TMEM170A: variants seen among roughly 807,000 people sequenced by gnomAD.
TMEM170A encodes the protein transmembrane protein 170A.
A neutral mutation model predicts 12.8 loss-of-function variants in TMEM170A; 18 were observed. The ratio of observed to expected loss-of-function variants is 1.41; its 90% CI spans 0.97 to 2.09. The LOEUF is 2.09. Among genes scored for constraint, TMEM170A ranks in the 30% most tolerant of loss-of-function variants. The pLI is 0.00. For missense variants in TMEM170A, 220 were observed against 179.9 expected, an observed-to-expected ratio of 1.22 and a Z score of -1.28; for synonymous variants, 107 against 76.2, an observed-to-expected ratio of 1.40 and a Z score of -2.11.
chr16:75,446,372 A>G lies in TMEM170A; in HGVS notation c.*1186T>C, dbSNP rs1047720229. ...TTTCAGGCCTTTTAATGAAAAAGAAAGTTAGGCAGTAGAATAAAAATTTAA... is the reference window on the plus strand; with the variant it reads ...TTTCAGGCCTTTTAATGAAAAAGAAGGTTAGGCAGTAGAATAAAAATTTAA... On this transcript the variant is annotated 3_prime_UTR_variant, in exon 3 of 3. Coordinates refer to ENST00000561878, the MANE Select transcript of TMEM170A (RefSeq NM_145254.3). The G allele has an allele frequency of 1.3e-5, 2 of 152,188 alleles. No individual in the cohort carries two copies. Among genetic ancestry groups the G allele is most frequent in the Non-Finnish European group, 2.9e-5 (2 of 68,030 alleles). The allele number at this position is 152,188 out of a possible 1,614,324, so 9.4% of individuals were successfully genotyped here. A position where few individuals can be genotyped will look rare whatever the true frequency, so the allele number is the denominator to read the frequency against.
At position 75,445,641 on chromosome 16, in the gene TMEM170A, T is replaced by C. The variant is rs1457981095; in HGVS notation, c.*1917A>G. 2.0e-5 allele frequency: 3 copies of C among 151,950 alleles called. No individual in the cohort carries two copies. The highest frequency in any genetic ancestry group is 4.4e-5 in the Non-Finnish European group (3 of 68,000). 9.4% of individuals were successfully genotyped at this position (151,950 alleles called of 1,614,324 possible). A position where few individuals can be genotyped will look rare whatever the true frequency, so the allele number is the denominator to read the frequency against. On this transcript the variant is annotated 3_prime_UTR_variant, in exon 3 of 3. Transcript: ENST00000561878. Reference sequence around the variant, plus strand: ...AAAAGAATATGTCCAGTTTTTGTGATCTCTTTGTAATTCTTTTCTATGAGT... The same window carrying C: ...AAAAGAATATGTCCAGTTTTTGTGACCTCTTTGTAATTCTTTTCTATGAGT...
intron 1 of TMEM170A, among the ~76,000 whole-genome samples, chr16:75,463,348 G>A (rs62060524): frequency 6.6e-6 from 1 of 151,896 alleles, no homozygotes; most frequent in Admixed American, 6.6e-5. Flanking sequence ...AACGTGAGCT[G>A]CCAGATTCTC....
At chr16:75,454,961 G>A (rs949844998) in intron 1 of TMEM170A, among the ~76,000 whole-genome samples, 9 of 152,206 alleles carry the variant, frequency 5.9e-5, no homozygotes, top group Non-Finnish European at 1.3e-4. Flanking sequence ...CAACAGCATT[G>A]TCCATAATAT....
Position 75,464,410 on chromosome 16 carries a change from AC to A in TMEM170A, c.133+57del, listed in dbSNP as rs1438352717. 3.6e-6 allele frequency: 5 copies of A among 1,388,636 alleles called. No homozygotes were observed. In the African/African-American group the frequency reaches 7.6e-5, roughly 21 times the overall value. The allele number at this position is 1,388,636 out of a possible 1,614,324, so 86.0% of individuals were successfully genotyped here. On this transcript the variant is annotated intron_variant, in intron 1 of 2. Coordinates refer to ENST00000561878, the MANE Select transcript of TMEM170A (RefSeq NM_145254.3). ...GACCCCGCCCAGACTCGGGGCGCCC[AC>A]AGCACGGCAGCGGCGACGGCGGGGC... is the stretch of plus-strand genomic sequence containing the variant.
intron 1 of TMEM170A, among the ~76,000 whole-genome samples, chr16:75,461,359 A>T (rs1410513287): frequency 2.0e-5 from 3 of 152,186 alleles, no homozygotes; most frequent in Non-Finnish European, 4.4e-5. Flanking sequence ...CGGCCAATTT[A>T]GTCATTTAGA....
Position 75,459,622 on chromosome 16 carries a change from C to CGAG in TMEM170A, c.133+4843_133+4845dup, listed in dbSNP as rs1285194940. On this transcript the variant is annotated intron_variant, in intron 1 of 2. Transcript: ENST00000561878. ...CTGTAATCCCAGCACTTTAGGAGGCCGAGGTAGGAGGATCACCTGAGGTCA... is the reference window on the plus strand; with the variant it reads ...CTGTAATCCCAGCACTTTAGGAGGCCGAGGAGGTAGGAGGATCACCTGAGGTCA... Among the ~76,000 whole-genome samples the CGAG allele has an allele frequency of 9.2e-5, 14 of 152,082 alleles. No homozygotes were observed. The East Asian group carries it at 2.7e-3, about 29-fold the overall frequency.
At position 75,447,598 on chromosome 16, in the gene TMEM170A, A is replaced by T. The variant is rs747055683; in HGVS notation, c.395T>A (p.Val132Asp). 6.2e-7 allele frequency: 1 copy of T among 1,613,874 alleles called. No individual in the cohort carries two copies. Among genetic ancestry groups the T allele is most frequent in the Admixed American group, 1.7e-5 (1 of 59,928 alleles). The change falls in exon 3 of 3, where the codon GTC becomes GAC. Residue 132 changes from valine to aspartate, a missense_variant. By Grantham distance (152) the Val-to-Asp change is radical. Coordinates refer to ENST00000561878, the MANE Select transcript of TMEM170A (RefSeq NM_145254.3). ...AATCCGTAAAAAGGAGACCACCAAG[A>T]CGCAAAATGTCTGTCCAGTGCCCAG... ...LTLGTGQTFC[V>D]LVVSFLRILA...
chr16:75,456,359 G>A (rs765146001), intron 1 of TMEM170A, among the ~76,000 whole-genome samples: 2 of 152,042 alleles, frequency 1.3e-5, no homozygotes, highest in Non-Finnish European at 2.9e-5. Context: ...AGGCTGAGGC[G>A]GGTGGATCAT....
intron 1 of TMEM170A, chr16:75,452,698 C>T (rs2079711602): frequency 6.6e-6 from 1 of 152,140 alleles, no homozygotes; most frequent in Non-Finnish European, 1.5e-5. Context: ...ACTTGGCCTC[C>T]TAAAGGGCAG....
intron 1 of TMEM170A, among the ~76,000 whole-genome samples, chr16:75,453,564 G>A (rs1401572578): frequency 2.0e-5 from 3 of 152,210 alleles, no homozygotes; most frequent in Admixed American, 1.3e-4. Context: ...TGATCACTCA[G>A]TCTTCTAAAA....
chr16:75,448,986 G>C (rs186135717), intron 2 of TMEM170A, among the ~76,000 whole-genome samples: 34 of 151,714 alleles, frequency 2.2e-4, no homozygotes, highest in Admixed American at 3.9e-4. Context: ...ACTTGAGCTA[G>C]GGAGGTCAAG....
Position 75,464,673 on chromosome 16 carries a change from C to T in TMEM170A, c.-73G>A, listed in dbSNP as rs1241541517. 1 of 1,515,960 alleles carries T rather than the reference C, an allele frequency of 6.6e-7. No individual in the cohort carries two copies. Among genetic ancestry groups the T allele is most frequent in the East Asian group, 2.8e-5 (1 of 36,128 alleles). The allele number at this position is 1,515,960 out of a possible 1,614,324, so 93.9% of individuals were successfully genotyped here. ...CGGTAGCGGCCGGCGCCGACTCACC[C>T]TCGCCGCCTCAGCGTCACCTCCAGC... On this transcript the variant is annotated 5_prime_UTR_variant, in exon 1 of 3. Transcript: ENST00000561878.
At position 75,443,090 on chromosome 16, in the gene TMEM170A, C is replaced by G. The variant is rs1162990275; in HGVS notation, c.*4468G>C. On this transcript the variant is annotated 3_prime_UTR_variant, in exon 3 of 3. Transcript: ENST00000561878. ...AGTACGGTTTAATCACAACTTTGAA[C>G]AAGAATTTTATCATAAATTAGTAAG... 1 of 151,860 alleles carries G rather than the reference C, an allele frequency of 6.6e-6. No individual in the cohort carries two copies. Among genetic ancestry groups the G allele is most frequent in the South Asian group, 2.1e-4 (1 of 4,822 alleles). 9.4% of individuals were successfully genotyped at this position (151,860 alleles called of 1,614,324 possible). A position where few individuals can be genotyped will look rare whatever the true frequency, so the allele number is the denominator to read the frequency against.
chr16:75,447,626 T>A lies in TMEM170A; in HGVS notation c.367A>T (p.Thr123Ser), dbSNP rs1386268662. Reference protein sequence around the residue: ...GKEMIPFEALTLGTGQTFCVL... With the variant: ...GKEMIPFEALSLGTGQTFCVL... The stretch of plus-strand genomic sequence containing the variant: ...CAAAATGTCTGTCCAGTGCCCAGTG[T>A]GAGGGCTTCAAATGGTATCATTTCC... The change falls in exon 3 of 3, where the codon ACA becomes TCA. Residue 123 changes from threonine to serine, a missense_variant. Physicochemically the swap from Thr to Ser is moderately conservative, Grantham distance 58. Coordinates refer to ENST00000561878, the MANE Select transcript of TMEM170A (RefSeq NM_145254.3). 1 of 1,612,192 alleles carries A rather than the reference T, an allele frequency of 6.2e-7. No individual in the cohort carries two copies. The highest frequency in any genetic ancestry group is 8.5e-7 in the Non-Finnish European group (1 of 1,179,404).
At chr16:75,452,172 C>T (rs1216198098) in intron 1 of TMEM170A, among the ~76,000 whole-genome samples, 1 of 152,048 alleles carries the variant, frequency 6.6e-6, no homozygotes, top group Non-Finnish European at 1.5e-5. Flanking sequence ...GGGGTTTCAC[C>T]ATGTTAACCA....
At chr16:75,456,656 G>C (rs901158553) in intron 1 of TMEM170A, among the ~76,000 whole-genome samples, 1 of 152,130 alleles carries the variant, frequency 6.6e-6, no homozygotes, top group African/African-American at 2.4e-5. Context: ...CCTGCCTTTC[G>C]CTGCCCAGAG....
intron 1 of TMEM170A, among the ~76,000 whole-genome samples, chr16:75,461,831 T>C (rs1474724656): frequency 6.6e-6 from 1 of 152,172 alleles, no homozygotes; most frequent in Non-Finnish European, 1.5e-5. Context: ...ATAACAGTAA[T>C]CATAAACTCA....
chr16:75,447,718 A>T (rs199627086), intron 2 of TMEM170A, 30 bp from the exon 3 acceptor site: 9 of 1,567,212 alleles, frequency 5.7e-6, no homozygotes, highest in Non-Finnish European at 7.8e-6. Flanking sequence ...TGTTAAACAA[A>T]AACAAAAAAC....
chr16:75,451,237 GAA>G (rs35642701), intron 2 of TMEM170A, among the ~76,000 whole-genome samples: 19 of 150,716 alleles, frequency 1.3e-4, no homozygotes, highest in Non-Finnish European at 1.0e-4. Context: ...CTTGGGGGTG[GAA>G]AAAAAAAATC....
Sources: gnomAD v4.1 joint callset for allele counts (sites outside exome capture counted in the v4.1 genomes callset) on GRCh38, gnomAD v4.1.1 for gene constraint, MANE v1.5 for transcripts, NCBI Gene and HGNC (gene_info 2026-07-23, HGNC 2026-07-21) for gene names.